DYM: variants seen among roughly 807,000 people sequenced by gnomAD.
DYM encodes dymeclin, also known as dyggve-Melchior-Clausen syndrome protein.
A neutral mutation model predicts 93.1 loss-of-function variants in DYM; 78 were observed. That is an observed-to-expected ratio of 0.84 (90% CI 0.70 to 1.01). The LOEUF (loss-of-function observed/expected upper bound fraction) is 1.01, where lower values mean the gene tolerates loss of function less well. Ranked by LOEUF, DYM falls within the 50% of genes least tolerant of loss-of-function variation. DYM has a pLI of 0.00. For synonymous variants in DYM, 321 were observed against 319.7 expected, an observed-to-expected ratio of 1.00 and a Z score of -0.04; for missense variants, 789 against 845.0, an observed-to-expected ratio of 0.93 and a Z score of 0.82.
At chr18:49,085,341 T>G (rs1308922583) in intron 17 of DYM, among the ~76,000 whole-genome samples, 2 of 152,226 alleles carry the variant, frequency 1.3e-5, no homozygotes, top group Non-Finnish European at 2.9e-5. Flanking sequence ...GGGTAATTTC[T>G]ATTTGAAAGA....
At chr18:49,297,969 A>G (rs1488222769) in intron 8 of DYM, among the ~76,000 whole-genome samples, 1 of 152,204 alleles carries the variant, frequency 6.6e-6, no homozygotes, top group Non-Finnish European at 1.5e-5. Flanking sequence ...ACAGTAACAT[A>G]CACAACCTTG....
At chr18:49,294,079 T>A (rs551267974) in intron 8 of DYM, among the ~76,000 whole-genome samples, 1 of 152,322 alleles carries the variant, frequency 6.6e-6, no homozygotes, top group South Asian at 2.1e-4. Context: ...GGGAATCCTT[T>A]CCCTGTTGCT....
chr18:49,301,750 G>GT (rs2146193865), intron 8 of DYM, among the ~76,000 whole-genome samples: 1 of 152,290 alleles, frequency 6.6e-6, no homozygotes, highest in African/African-American at 2.4e-5. Flanking sequence ...TTAGAGCTTT[G>GT]TTTTTCATCT....
chr18:49,044,865 C>T (rs552136629), intron 17 of DYM, among the ~76,000 whole-genome samples: 3 of 152,394 alleles, frequency 2.0e-5, no homozygotes, highest in South Asian at 2.1e-4. Flanking sequence ...ACAAACACAT[C>T]GCAGGTGCCC....
chr18:49,204,146 T>G (rs962597123), intron 14 of DYM, among the ~76,000 whole-genome samples: 1 of 152,232 alleles, frequency 6.6e-6, no homozygotes, highest in Non-Finnish European at 1.5e-5. Flanking sequence ...AAGAGTTATA[T>G]GAACCCCAAA....
chr18:49,436,896 G>A (rs1166344084), intron 1 of DYM, among the ~76,000 whole-genome samples: 2 of 151,978 alleles, frequency 1.3e-5, no homozygotes, highest in Non-Finnish European at 2.9e-5. Context: ...CTTTTTTTGT[G>A]TGGTAACTTA....
At chr18:49,322,432 C>G (rs536028962) in intron 8 of DYM, among the ~76,000 whole-genome samples, 1 of 151,882 alleles carries the variant, frequency 6.6e-6, no homozygotes, top group Non-Finnish European at 1.5e-5. Flanking sequence ...TGCTTCACCC[C>G]TTTTTTAGAC....
At position 49,118,248 on chromosome 18, in the gene DYM, C is replaced by A. The variant is rs115086620; in HGVS notation, c.1911+496G>T. ...TGTTGAATCTTGAAAATAAAGATAT[C>A]TTTTGACAGTAAAAACTAGTAAAAT... On this transcript the variant is annotated intron_variant, in intron 16 of 17. Transcript: ENST00000675505. Among the ~76,000 whole-genome samples the A allele has an allele frequency of 7.1e-3, 1,082 of 151,994 alleles. 19 individuals are homozygous for A. The highest frequency in any genetic ancestry group is 0.025 in the African/African-American group (1,032 of 41,464).
At chr18:49,046,762 T>C (rs1599322766) in intron 17 of DYM, among the ~76,000 whole-genome samples, 1 of 151,982 alleles carries the variant, frequency 6.6e-6, no homozygotes, top group Non-Finnish European at 1.5e-5. Context: ...TAGCCAGATG[T>C]GATGGCGCAT....
At chr18:49,326,325 A>G (rs1015981383) in intron 8 of DYM, among the ~76,000 whole-genome samples, 1 of 152,190 alleles carries the variant, frequency 6.6e-6, no homozygotes, top group Non-Finnish European at 1.5e-5. Context: ...AACAGAAAGG[A>G]AACAATTTTT....
intron 16 of DYM, among the ~76,000 whole-genome samples, chr18:49,101,967 T>C (rs192769561): frequency 9.8e-5 from 15 of 152,324 alleles, no homozygotes; most frequent in Admixed American, 9.1e-4. Context: ...ATACTAGCAA[T>C]GTGACTTGTA....
chr18:49,286,291 G>A, intron 9 of DYM, 143 bp downstream of exon 9: 1 of 930,654 alleles, frequency 1.1e-6, no homozygotes, highest in South Asian at 1.4e-5. Context: ...ATATTGACAG[G>A]AAAAGCTAAA....
intron 2 of DYM, among the ~76,000 whole-genome samples, chr18:49,429,063 TG>T (rs2074572379): frequency 6.6e-6 from 1 of 152,196 alleles, no homozygotes; most frequent in Non-Finnish European, 1.5e-5. Context: ...TCTGCATCCT[TG>T]CCTCTGCCAG....
chr18:49,359,735 A>G (rs969765386), intron 6 of DYM: 4 of 152,246 alleles, frequency 2.6e-5, no homozygotes, highest in African/African-American at 7.2e-5. Flanking sequence ...AATTCATTTC[A>G]TCTTGTTATT....
chr18:49,329,204 T>G (rs1003935022), intron 8 of DYM, among the ~76,000 whole-genome samples: 1 of 149,644 alleles, frequency 6.7e-6, no homozygotes, highest in Non-Finnish European at 1.5e-5. Context: ...AAACACCGCA[T>G]GTTCTCACTC....
At chr18:49,139,125 T>C (rs536782322) in intron 15 of DYM, among the ~76,000 whole-genome samples, 1 of 152,300 alleles carries the variant, frequency 6.6e-6, no homozygotes, top group Non-Finnish European at 1.5e-5. Flanking sequence ...GGAATAGCTT[T>C]CCTGTTCTCA....
intron 16 of DYM, among the ~76,000 whole-genome samples, chr18:49,102,864 T>C (rs1303914171): frequency 6.6e-6 from 1 of 152,200 alleles, no homozygotes; most frequent in East Asian, 1.9e-4. Context: ...TGAATAGTGC[T>C]GCAATAAACA....
At position 49,385,887 on chromosome 18, in the gene DYM, A is replaced by G. The variant is rs534984407; in HGVS notation, c.193+5706T>C. Among the ~76,000 whole-genome samples, 19 of 152,104 alleles carry G rather than the reference A, an allele frequency of 1.2e-4. No homozygotes were observed. The South Asian group carries it at 3.9e-3, about 32-fold the overall frequency. ...TGAGACCCTATTCCTTAAAAAAAGA[A>G]AAAAAAAGGCAATGAATTTCCCAAA... is the stretch of plus-strand genomic sequence containing the variant. On this transcript the variant is annotated intron_variant, in intron 3 of 17. Coordinates refer to ENST00000675505, the MANE Select transcript of DYM (RefSeq NM_001353214.3).
intron 6 of DYM, among the ~76,000 whole-genome samples, chr18:49,342,876 T>C (rs1324898671): frequency 6.6e-6 from 1 of 152,210 alleles, no homozygotes; most frequent in Admixed American, 6.5e-5. Flanking sequence ...TCTAGGTTTA[T>C]GTAAGTACAC....
Sources: allele counts gnomAD v4.1 joint callset (sites outside exome capture counted in the v4.1 genomes callset), GRCh38; gene constraint gnomAD v4.1.1; transcripts MANE v1.5; gene names NCBI Gene and HGNC (gene_info 2026-07-23, HGNC 2026-07-21).